SLC24A2: variants seen among roughly 807,000 people sequenced by gnomAD.
SLC24A2 encodes solute carrier family 24 member 2.
In SLC24A2, 36 loss-of-function variants were observed where a neutral mutation model predicts 62.0. That is an observed-to-expected ratio of 0.58 (90% CI 0.44 to 0.77). The LOEUF is 0.77. SLC24A2 is among the 30% of genes least tolerant of loss of function. The probability of loss-of-function intolerance (pLI) is 0.00; values close to 1 mark genes in which losing one functional copy is unlikely to be tolerated. For synonymous variants in SLC24A2, 358 were observed against 294.0 expected (o/e 1.22, Z -2.23); for missense variants, 846 against 817.9 (o/e 1.03, Z -0.42).
At chr9:19,585,940 G>A (rs1836358516) in intron 5 of SLC24A2, among the ~76,000 whole-genome samples, 1 of 152,168 alleles carries the variant, frequency 6.6e-6, no homozygotes, top group Non-Finnish European at 1.5e-5. Flanking sequence ...TTTCCTAGCA[G>A]GGTCACCTTA....
the SLC24A2 span, among the ~76,000 whole-genome samples, chr9:20,191,984 C>T: frequency 4.5e-4 from 68 of 152,026 alleles, no homozygotes; most frequent in African/African-American, 1.6e-3. Context: ...CTCAACTTTC[C>T]GCAGCTCAGG....
At chr9:19,549,706 G>T (rs939696835) in intron 8 of SLC24A2, among the ~76,000 whole-genome samples, 4 of 152,210 alleles carry the variant, frequency 2.6e-5, no homozygotes, top group African/African-American at 4.8e-5. Context: ...GTAGCCCCAA[G>T]ATGAGATACA....
At chr9:19,820,460 A>T in the SLC24A2 span, among the ~76,000 whole-genome samples, 9 of 151,576 alleles carry the variant, frequency 5.9e-5, no homozygotes, top group East Asian at 3.9e-4. Flanking sequence ...TTAAAAAAAA[A>T]TTTTAAAAAA....
the SLC24A2 span, among the ~76,000 whole-genome samples, chr9:20,164,105 T>C: frequency 6.6e-6 from 1 of 152,214 alleles, no homozygotes; most frequent in East Asian, 1.9e-4. Flanking sequence ...CCAAAAGCAA[T>C]GGCAACAAAA....
At chr9:19,876,578 T>A in the SLC24A2 span, among the ~76,000 whole-genome samples, 1 of 152,192 alleles carries the variant, frequency 6.6e-6, no homozygotes. Context: ...TTTTACTGAA[T>A]GATGATGTCT....
chr9:19,709,348 A>G (rs536770853), intron 2 of SLC24A2, among the ~76,000 whole-genome samples: 3 of 152,312 alleles, frequency 2.0e-5, no homozygotes, highest in South Asian at 4.1e-4. Flanking sequence ...TCAGTGTGGC[A>G]ATTCCTTGGG....
chr9:19,898,601 G>A, the SLC24A2 span, among the ~76,000 whole-genome samples: 1 of 151,998 alleles, frequency 6.6e-6, no homozygotes, highest in African/African-American at 2.4e-5. Flanking sequence ...AATTAGCTGG[G>A]CGTGGTGGCG....
At chr9:19,953,854 T>A in the SLC24A2 span, among the ~76,000 whole-genome samples, 1 of 152,074 alleles carries the variant, frequency 6.6e-6, no homozygotes, top group Non-Finnish European at 1.5e-5. Flanking sequence ...AAACCCAGCT[T>A]ATCAAAGATA....
At chr9:20,176,101 C>A in the SLC24A2 span, among the ~76,000 whole-genome samples, 1 of 151,912 alleles carries the variant, frequency 6.6e-6, no homozygotes, top group East Asian at 1.9e-4. Context: ...CTTTTTCGTT[C>A]GTTCTTACCT....
the SLC24A2 span, among the ~76,000 whole-genome samples, chr9:19,852,092 CT>C: frequency 6.6e-6 from 1 of 152,112 alleles, no homozygotes; most frequent in African/African-American, 2.4e-5. Flanking sequence ...TGACGTTGAG[CT>C]TTTTTTCATA....
the SLC24A2 span, among the ~76,000 whole-genome samples, chr9:20,199,215 G>A: frequency 6.6e-6 from 1 of 152,226 alleles, no homozygotes; most frequent in Non-Finnish European, 1.5e-5. Context: ...TGGAGAGCAA[G>A]TGGTCCATTT....
Position 19,573,191 on chromosome 9 carries a change from G to C in SLC24A2, c.1347+160C>G, listed in dbSNP as rs993831462. Among the ~76,000 whole-genome samples the C allele has an allele frequency of 3.3e-5, 5 of 152,124 alleles. 1 individual carries two copies. Among genetic ancestry groups the C allele is most frequent in the African/African-American group, 1.2e-4 (5 of 41,406 alleles). On this transcript the variant is annotated intron_variant, in intron 7 of 10. Transcript: ENST00000341998. ...TAGAGGCTGCTGCATGTGGGACCCT[G>C]GGGTGGCACTGGGAAATACACACAA...
chr9:20,261,485 C>T, the SLC24A2 span, among the ~76,000 whole-genome samples: 216 of 152,116 alleles, frequency 1.4e-3, 3 homozygotes, highest in Non-Finnish European at 4.0e-4. Flanking sequence ...CCAAAACTAA[C>T]CCACTCCTAC....
chr9:19,596,222 A>C (rs1443813704), intron 5 of SLC24A2, among the ~76,000 whole-genome samples: 1 of 152,206 alleles, frequency 6.6e-6, no homozygotes, highest in Non-Finnish European at 1.5e-5. Flanking sequence ...AAGCTAAGGC[A>C]GCTTAGAATA....
intron 2 of SLC24A2, among the ~76,000 whole-genome samples, chr9:19,661,670 A>C (rs997691315): frequency 6.6e-6 from 1 of 152,180 alleles, no homozygotes; most frequent in Non-Finnish European, 1.5e-5. Context: ...AGGAATAATC[A>C]ATCCTCTGAG....
the SLC24A2 span, among the ~76,000 whole-genome samples, chr9:20,181,021 C>T: frequency 6.6e-6 from 1 of 152,056 alleles, no homozygotes; most frequent in Non-Finnish European, 1.5e-5. Flanking sequence ...CCACCTTCAG[C>T]ACATGTTCAT....
At chr9:19,961,342 A>T in the SLC24A2 span, among the ~76,000 whole-genome samples, 1 of 152,214 alleles carries the variant, frequency 6.6e-6, no homozygotes, top group East Asian at 1.9e-4. Flanking sequence ...GAAAGGTTAG[A>T]TCCAAAACTG....
At chr9:20,084,954 G>A in the SLC24A2 span, among the ~76,000 whole-genome samples, 1 of 152,172 alleles carries the variant, frequency 6.6e-6, no homozygotes, top group African/African-American at 2.4e-5. Context: ...TACATCTGTA[G>A]TTTTTCTGCA....
At chr9:20,048,582 T>C in the SLC24A2 span, among the ~76,000 whole-genome samples, 1 of 152,214 alleles carries the variant, frequency 6.6e-6, no homozygotes, top group Non-Finnish European at 1.5e-5. Flanking sequence ...TATAACAAAG[T>C]AATTAAAGGA....
Sources: gnomAD v4.1 joint callset for allele counts (sites outside exome capture counted in the v4.1 genomes callset) on GRCh38, gnomAD v4.1.1 for gene constraint, MANE v1.5 for transcripts, NCBI Gene and HGNC (gene_info 2026-07-23, HGNC 2026-07-21) for gene names.